Variants in PTPRD observed in about 807,000 individuals in gnomAD.
PTPRD encodes the protein protein tyrosine phosphatase receptor type D.
A neutral mutation model predicts 214.5 loss-of-function variants in PTPRD; 34 were observed. The ratio of observed to expected loss-of-function variants is 0.16; its 90% CI spans 0.12 to 0.21. PTPRD has a LOEUF of 0.21. Among genes scored for constraint, PTPRD ranks in the 10% least tolerant of loss-of-function variants. The pLI is 1.00. For synonymous variants in PTPRD, 1,128 were observed against 845.7 expected, an observed-to-expected ratio of 1.33 and a Z score of -5.79; for missense variants, 2,545 against 2,398.7, an observed-to-expected ratio of 1.06 and a Z score of -1.27.
rs72702362 is a variant in PTPRD, at chr9:8,806,291, T to A, written c.-103-72345A>T. On this transcript the variant is annotated intron_variant, in intron 11 of 45. Transcript: ENST00000381196. ...TTAAGGAGCTAACTTAATGTGCACA[T>A]ATTAATGTGTGCATAAATATCACAC... Among the ~76,000 whole-genome samples, 1,295 of 151,654 alleles carry A rather than the reference T, an allele frequency of 8.5e-3. 16 individuals carry two copies. Among genetic ancestry groups the A allele is most frequent in the African/African-American group, 0.015 (633 of 41,428 alleles).
intron 8 of PTPRD, among the ~76,000 whole-genome samples, chr9:9,408,503 A>G (rs1051979650): frequency 6.6e-6 from 1 of 151,814 alleles, no homozygotes; most frequent in African/African-American, 2.4e-5. Context: ...ATAAAATTGA[A>G]ACTCTCACTC....
intron 11 of PTPRD, among the ~76,000 whole-genome samples, chr9:8,912,226 T>G (rs1175380385): frequency 2.0e-5 from 3 of 152,200 alleles, no homozygotes; most frequent in Non-Finnish European, 4.4e-5. Flanking sequence ...GTAGCATTAT[T>G]CTTTATAGAC....
intron 9 of PTPRD, among the ~76,000 whole-genome samples, chr9:9,244,049 G>A (rs969057996): frequency 6.6e-6 from 1 of 152,110 alleles, no homozygotes; most frequent in Non-Finnish European, 1.5e-5. Context: ...GCTTCAAAGA[G>A]AATAAAATAC....
chr9:8,514,382 T>C (rs879923562), intron 21 of PTPRD, among the ~76,000 whole-genome samples: 12 of 152,164 alleles, frequency 7.9e-5, no homozygotes, highest in Admixed American at 1.3e-4. Context: ...TGAAACACTA[T>C]AGATTTCTAT....
chr9:8,719,621 T>G (rs970688245), intron 12 of PTPRD, among the ~76,000 whole-genome samples: 2 of 152,214 alleles, frequency 1.3e-5, no homozygotes, highest in African/African-American at 4.8e-5. Context: ...ATTGGAATAC[T>G]GTTTTACCCA....
chr9:9,398,343 T>C (rs996749379), intron 8 of PTPRD, among the ~76,000 whole-genome samples: 1 of 152,012 alleles, frequency 6.6e-6, no homozygotes, highest in Non-Finnish European at 1.5e-5. Flanking sequence ...CATATTGGTG[T>C]TTATGCCTTA....
At chr9:8,346,415 G>C (rs1357873439) in intron 39 of PTPRD, among the ~76,000 whole-genome samples, 1 of 152,078 alleles carries the variant, frequency 6.6e-6, no homozygotes, top group African/African-American at 2.4e-5. Context: ...CTGTGGTTTT[G>C]ACTTTCTGCA....
At chr9:10,323,348 G>A (rs1233411661) in intron 3 of PTPRD, among the ~76,000 whole-genome samples, 7 of 147,070 alleles carry the variant, frequency 4.8e-5, no homozygotes, top group African/African-American at 1.0e-4. Context: ...CCATTGGAAT[G>A]CAGTGGTGTG....
At chr9:10,448,918 A>G (rs1035105223) in intron 2 of PTPRD, among the ~76,000 whole-genome samples, 2 of 152,088 alleles carry the variant, frequency 1.3e-5, no homozygotes, top group African/African-American at 4.8e-5. Flanking sequence ...CTTTGCAAAT[A>G]CTTCATTAAC....
chr9:9,215,218 G>A (rs2099951362), intron 9 of PTPRD, among the ~76,000 whole-genome samples: 1 of 152,104 alleles, frequency 6.6e-6, no homozygotes, highest in African/African-American at 2.4e-5. Context: ...GCTTTCATGT[G>A]TCTCTTAATT....
intron 2 of PTPRD, among the ~76,000 whole-genome samples, chr9:10,509,559 A>T (rs1468040840): frequency 2.7e-4 from 9 of 33,238 alleles, no homozygotes; most frequent in Non-Finnish European, 4.4e-4. Context: ...AATAAATATT[A>T]TATATATATA....
chr9:9,622,789 C>T (rs1280774801), intron 7 of PTPRD, among the ~76,000 whole-genome samples: 1 of 152,188 alleles, frequency 6.6e-6, no homozygotes, highest in Non-Finnish European at 1.5e-5. Context: ...AAGGGATAAA[C>T]ACTGCTCAGG....
chr9:10,375,035 T>A (rs924246787), intron 2 of PTPRD, among the ~76,000 whole-genome samples: 5 of 152,032 alleles, frequency 3.3e-5, no homozygotes, highest in African/African-American at 1.2e-4. Context: ...TAACTACAGG[T>A]TTATAGAACT....
At chr9:9,213,284 G>T (rs2099949993) in intron 9 of PTPRD, among the ~76,000 whole-genome samples, 1 of 152,106 alleles carries the variant, frequency 6.6e-6, no homozygotes, top group Non-Finnish European at 1.5e-5. Context: ...GAAGAGTTGG[G>T]AGTGTTGGGG....
chr9:9,474,048 G>C (rs968972283), intron 8 of PTPRD, among the ~76,000 whole-genome samples: 2 of 152,008 alleles, frequency 1.3e-5, no homozygotes, highest in African/African-American at 4.8e-5. Context: ...TGAACGTCCT[G>C]AAGTGTTTCC....
chr9:9,828,601 T>G (rs1477233123), intron 5 of PTPRD, among the ~76,000 whole-genome samples: 1 of 152,046 alleles, frequency 6.6e-6, no homozygotes, highest in South Asian at 2.1e-4. Context: ...TGTATACATA[T>G]GTAACAAACC....
intron 39 of PTPRD, among the ~76,000 whole-genome samples, chr9:8,367,238 T>TA (rs2080166541): frequency 2.6e-5 from 4 of 151,646 alleles, no homozygotes. Context: ...ATTTTTTTTT[T>TA]AAGTTAGAAG....
At chr9:8,404,050 G>A (rs1313397825) in intron 36 of PTPRD, among the ~76,000 whole-genome samples, 5 of 152,186 alleles carry the variant, frequency 3.3e-5, no homozygotes, top group African/African-American at 1.2e-4. Flanking sequence ...TGGTGTCAGG[G>A]ATATTGTGGC....
At chr9:8,555,629 C>T (rs2083490158) in intron 14 of PTPRD, among the ~76,000 whole-genome samples, 2 of 152,192 alleles carry the variant, frequency 1.3e-5, no homozygotes, top group South Asian at 4.1e-4. Context: ...TATCATCTTC[C>T]TTTGGACATC....
Sources: allele counts gnomAD v4.1 joint callset (sites outside exome capture counted in the v4.1 genomes callset), GRCh38; gene constraint gnomAD v4.1.1; transcripts MANE v1.5; gene names NCBI Gene and HGNC (gene_info 2026-07-23, HGNC 2026-07-21).